The following CDK2AP2 variants were observed in gnomAD, a reference collection of about 807,000 sequenced individuals.
The protein encoded by CDK2AP2 is cyclin-dependent kinase 2-associated protein 2.
Under a neutral mutation model 13.0 loss-of-function variants are expected in CDK2AP2, and 1 was observed. The observed-to-expected ratio is 0.08, with a 90% confidence interval of 0.03 to 0.37. CDK2AP2 has a LOEUF of 0.37. Ranked by LOEUF, CDK2AP2 falls within the 10% of genes least tolerant of loss-of-function variation. CDK2AP2 has a pLI of 0.99. For synonymous variants in CDK2AP2, 76 were observed against 73.0 expected, an observed-to-expected ratio of 1.04 and a Z score of -0.21; for missense variants, 129 against 175.8, an observed-to-expected ratio of 0.73 and a Z score of 1.50.
At position 67,507,901 on chromosome 11, in the gene CDK2AP2, C is replaced by T. The variant is rs1866568930; in HGVS notation, c.82+100G>A. 3.9e-6 allele frequency: 6 copies of T among 1,545,010 alleles called. No homozygotes were observed. The African/African-American group carries it at 4.1e-5, about 11-fold the overall frequency. On this transcript the variant is annotated intron_variant, in intron 1 of 3. Coordinates refer to ENST00000301488, the MANE Select transcript of CDK2AP2 (RefSeq NM_005851.5). ...CACAGGCCAGCAAACTGAGGCTCAGCGAGGGTAGGCGGCAGGCCCAGTATT... is the reference window on the plus strand; with the variant it reads ...CACAGGCCAGCAAACTGAGGCTCAGTGAGGGTAGGCGGCAGGCCCAGTATT...
chr11:67,507,326 G>A, intron 3 of CDK2AP2, 39 bp downstream of exon 3: 1 of 1,611,238 alleles, frequency 6.2e-7, no homozygotes. Context: ...GGATAGTCCA[G>A]TGTCGGTTTC....
chr11:67,506,949 G>A lies in CDK2AP2; in HGVS notation c.377C>T (p.Thr126Met), dbSNP rs1482336115. Reference sequence around the variant, plus strand: ...CTGAGGCCGAGGCGCTTCCTGTTACGTGCGGGCGTTCCGCTCTGTCTCTGC... The same window carrying A: ...CTGAGGCCGAGGCGCTTCCTGTTACATGCGGGCGTTCCGCTCTGTCTCTGC... ...CLAETERNAR[T>M] Residue 126 changes from threonine to methionine, a missense_variant, in exon 4 of 4, where the codon ACG becomes ATG. Coordinates refer to ENST00000301488, the MANE Select transcript of CDK2AP2 (RefSeq NM_005851.5). 7 of 1,556,388 alleles carry A rather than the reference G, an allele frequency of 4.5e-6. No homozygotes were observed. Among genetic ancestry groups the A allele is most frequent in the Admixed American group, 3.9e-5 (2 of 51,498 alleles).
Position 67,506,908 on chromosome 11 carries a change from C to A in CDK2AP2, c.*37G>T. ...GGAGAAGCGGGTGCTCTGCAGTGGC[C>A]GGATAGGTCCAGACGCTGAGGCCGA... On this transcript the variant is annotated 3_prime_UTR_variant, in exon 4 of 4. Transcript: ENST00000301488. 6.5e-7 allele frequency: 1 copy of A among 1,526,926 alleles called. No individual in the cohort carries two copies. Among genetic ancestry groups the A allele is most frequent in the East Asian group, 2.4e-5 (1 of 40,828 alleles). The allele number at this position is 1,526,926 out of a possible 1,614,324, so 94.6% of individuals were successfully genotyped here.
intron 3 of CDK2AP2, 94 bp from the exon 4 acceptor site, chr11:67,507,106 G>T (rs1866549564): frequency 3.1e-6 from 3 of 980,866 alleles, no homozygotes; most frequent in Non-Finnish European, 1.5e-6. Context: ...TTCCACTTTC[G>T]GCAAAAGAAA....
Position 67,506,999 on chromosome 11 carries a change from G to C in CDK2AP2, c.327C>G (p.Ala109=). The change falls in exon 4 of 4, where the codon GCC becomes GCG. Residue 109 remains alanine (A), a synonymous_variant. Transcript: ENST00000301488. ...MERLKRGIIH[A]RALVRECLAE... is the part of the protein sequence containing the mutation. ...CCAGGCACTCTCTGACTAGGGCCCG[G>C]GCATGGATGATACCTGGGGGTGGGG... 1 of 1,557,190 alleles carries C rather than the reference G, an allele frequency of 6.4e-7. No individual in the cohort carries two copies. The highest frequency in any genetic ancestry group is 8.7e-7 in the Non-Finnish European group (1 of 1,150,210).
intron 3 of CDK2AP2, 149 bp downstream of exon 3, chr11:67,507,216 T>C: frequency 1.0e-6 from 1 of 978,140 alleles, no homozygotes; most frequent in Non-Finnish European, 1.6e-6. Flanking sequence ...GGAAATGGAC[T>C]CAATTTCAAT....
Position 67,506,957 on chromosome 11 carries a change from G to A in CDK2AP2, c.369C>T (p.Asn123=), listed in dbSNP as rs1196392899. Reference sequence around the variant, plus strand: ...GAGGCGCTTCCTGTTACGTGCGGGCGTTCCGCTCTGTCTCTGCCAGGCACT... The same window carrying A: ...GAGGCGCTTCCTGTTACGTGCGGGCATTCCGCTCTGTCTCTGCCAGGCACT... ...VRECLAETER[N]ART Residue 123 remains asparagine (N), a synonymous_variant, in exon 4 of 4, where the codon AAC becomes AAT. Coordinates refer to ENST00000301488, the MANE Select transcript of CDK2AP2 (RefSeq NM_005851.5). 14 of 1,557,996 alleles carry A rather than the reference G, an allele frequency of 9.0e-6. No individual in the cohort carries two copies. The highest frequency in any genetic ancestry group is 5.8e-5 in the Admixed American group (3 of 51,696).
Position 67,507,558 on chromosome 11 carries a change from C to A in CDK2AP2, c.180+34G>T, listed in dbSNP as rs750172495. 6.2e-6 allele frequency: 10 copies of A among 1,613,476 alleles called. No homozygotes were observed. In the South Asian group the frequency reaches 9.9e-5, roughly 16 times the overall value. On this transcript the variant is annotated intron_variant, in intron 2 of 3. Transcript: ENST00000301488. The stretch of plus-strand genomic sequence containing the variant: ...ACCTGGCGGGGAGGGGGACTCCAGT[C>A]CGCATCCATAAGCAAGGCTTTGGCC...
intron 1 of CDK2AP2, 60 bp downstream of exon 1, chr11:67,507,940 CG>C: frequency 6.5e-7 from 1 of 1,549,284 alleles, no homozygotes; most frequent in South Asian, 1.2e-5. Context: ...GAACTCAGGC[CG>C]TCTTCTCTTC....
In CDK2AP2 at chr11:67,508,045, G is replaced by A. The variant is rs530762126; in HGVS notation, c.38C>T (p.Thr13Ile). ...CGGCCCAGGGGTGCTGGAGCCAGGG[G>A]TGCTGCTGGGAGCAGGGGCGATGGG... Reference protein sequence around the residue: ...YKPIAPAPSSTPGSSTPGPGT... With the variant: ...YKPIAPAPSSIPGSSTPGPGT... Residue 13 changes from threonine (T) to isoleucine (I), a missense_variant, in exon 1 of 4, where the codon ACC (threonine) becomes ATC (isoleucine). This residue lies in a region of CDK2AP2 where 98 missense variants were observed against 99.7 expected (regional missense o/e 0.98). Coordinates refer to ENST00000301488, the MANE Select transcript of CDK2AP2 (RefSeq NM_005851.5). The A allele has an allele frequency of 2.0e-6, 3 of 1,525,910 alleles. No individual in the cohort carries two copies. The South Asian group carries it at 3.7e-5, about 19-fold the overall frequency. 94.5% of individuals were successfully genotyped at this position (1,525,910 alleles called of 1,614,324 possible).
At position 67,508,033 on chromosome 11, in the gene CDK2AP2, C is replaced by G; in HGVS notation, c.50G>C (p.Ser17Thr). The G allele has an allele frequency of 6.5e-7, 1 of 1,533,990 alleles. No homozygotes were observed. Among genetic ancestry groups the G allele is most frequent in the Non-Finnish European group, 8.8e-7 (1 of 1,142,090 alleles). ...APAPSSTPGS[S>T]TPGPGTPVPT... ...GACCGGGGTGCCCGGCCCAGGGGTG[C>G]TGGAGCCAGGGGTGCTGCTGGGAGC... is the stretch of plus-strand genomic sequence containing the variant. Residue 17 changes from serine to threonine, a missense_variant, in exon 1 of 4, where the codon AGC becomes ACC. Around this residue, in one of 2 missense-constraint regions of CDK2AP2, gnomAD observed 98 missense variants for 99.7 expected, o/e 0.98. Coordinates refer to ENST00000301488, the MANE Select transcript of CDK2AP2 (RefSeq NM_005851.5).
rs1866554083 is a variant in CDK2AP2 at position 67,507,281 on chromosome 11, AG to A, written c.313+83del. On this transcript the variant is annotated intron_variant, in intron 3 of 3. Coordinates refer to ENST00000301488, the MANE Select transcript of CDK2AP2 (RefSeq NM_005851.5). ...ACTGGACATCCTCTAGGCTTGGCTC[AG>A]GTGGCCTCCAGATGTCCTTCCTTCC... The A allele has an allele frequency of 2.7e-6, 4 of 1,507,594 alleles. No homozygotes were observed. In the East Asian group the frequency reaches 9.0e-5, roughly 34 times the overall value. The allele number at this position is 1,507,594 out of a possible 1,614,324, so 93.4% of individuals were successfully genotyped here.
chr11:67,507,383 T>C lies in CDK2AP2; in HGVS notation c.295A>G (p.Met99Val). ...RPTYAGSKSA[M>V]ERLKRGIIHA... ...CACTTACCTCTCTTCAGGCGCTCCA[T>C]GGCGCTCTTGCTGCCAGCATAGGTA... The change falls in exon 3 of 4, where the codon ATG (methionine) becomes GTG (valine). Residue 99 changes from methionine (M) to valine (V), a missense_variant. Around this residue, in one of 2 missense-constraint regions of CDK2AP2, gnomAD observed 31 missense variants for 76.0 expected, o/e 0.41. Coordinates refer to ENST00000301488, the MANE Select transcript of CDK2AP2 (RefSeq NM_005851.5). 1.2e-6 allele frequency: 2 copies of C among 1,612,808 alleles called. No individual in the cohort carries two copies. Among genetic ancestry groups the C allele is most frequent in the African/African-American group, 1.3e-5 (1 of 75,042 alleles).
At position 67,507,586 on chromosome 11, in the gene CDK2AP2, A is replaced by G; in HGVS notation, c.180+6T>C. The G allele has an allele frequency of 6.2e-7, 1 of 1,613,460 alleles. No homozygotes were observed. Among genetic ancestry groups the G allele is most frequent in the Non-Finnish European group, 8.5e-7 (1 of 1,179,928 alleles). ...CATCCATAAGCAAGGCTTTGGCCCCACTCACCTGCACGTAGCCCATGGAAG... is the reference window on the plus strand; with the variant it reads ...CATCCATAAGCAAGGCTTTGGCCCCGCTCACCTGCACGTAGCCCATGGAAG... On this transcript the variant is annotated splice_donor_region_variant and intron_variant, in intron 2 of 3. Coordinates refer to ENST00000301488, the MANE Select transcript of CDK2AP2 (RefSeq NM_005851.5).
At position 67,506,951 on chromosome 11, in the gene CDK2AP2, G is replaced by A; in HGVS notation, c.375C>T (p.Arg125=). Residue 125 remains arginine, a synonymous_variant, in exon 4 of 4, where the codon CGC becomes CGT. Transcript: ENST00000301488. Reference sequence around the variant, plus strand: ...GAGGCCGAGGCGCTTCCTGTTACGTGCGGGCGTTCCGCTCTGTCTCTGCCA... The same window carrying A: ...GAGGCCGAGGCGCTTCCTGTTACGTACGGGCGTTCCGCTCTGTCTCTGCCA... ...ECLAETERNA[R]T is the part of the protein sequence containing the mutation. 1 of 1,557,084 alleles carries A rather than the reference G, an allele frequency of 6.4e-7. No homozygotes were observed. The highest frequency in any genetic ancestry group is 8.7e-7 in the Non-Finnish European group (1 of 1,150,124).
rs1278848441 is a variant in CDK2AP2 at position 67,508,021 on chromosome 11, G to A, written c.62C>T (p.Pro21Leu). 6.5e-7 allele frequency: 1 copy of A among 1,537,942 alleles called. No individual in the cohort carries two copies. The highest frequency in any genetic ancestry group is 2.4e-5 in the East Asian group (1 of 40,930). ...SSTPGSSTPG[P>L]GTPVPTGSVP... ...CTCACCTGTAGGGACCGGGGTGCCC[G>A]GCCCAGGGGTGCTGGAGCCAGGGGT... Residue 21 changes from proline to leucine, a missense_variant, in exon 1 of 4, where the codon CCG becomes CTG. Pro to Leu is a moderately conservative substitution (Grantham distance 98, BLOSUM62 -3). Around this residue, in one of 2 missense-constraint regions of CDK2AP2, gnomAD observed 98 missense variants for 99.7 expected, o/e 0.98. Coordinates refer to ENST00000301488, the MANE Select transcript of CDK2AP2 (RefSeq NM_005851.5).
At chr11:67,507,773 C>T in intron 1 of CDK2AP2, 84 bp from the exon 2 acceptor site, 3 of 1,562,546 alleles carry the variant, frequency 1.9e-6, no homozygotes, top group African/African-American at 1.4e-5. Context: ...CCGGGTTCGC[C>T]CGATTCCCTC....
intron 3 of CDK2AP2, 106 bp downstream of exon 3, chr11:67,507,259 G>A: frequency 7.8e-7 from 1 of 1,275,236 alleles, no homozygotes; most frequent in Non-Finnish European, 1.1e-6. Context: ...TAGTAATACT[G>A]GACATCCTCT....
chr11:67,506,680 A>AT lies in CDK2AP2; in HGVS notation c.*264_*265insA. ...GAAGTGCTGGGAAGGGCTGAGCGGT[A>AT]GGGGCCACAAAAGTTCCGGTGGGCA... On this transcript the variant is annotated 3_prime_UTR_variant, in exon 4 of 4. Transcript: ENST00000301488. 1 of 532,304 alleles carries AT rather than the reference A, an allele frequency of 1.9e-6. No individual in the cohort carries two copies. 33.0% of individuals were successfully genotyped at this position (532,304 alleles called of 1,614,324 possible). A position where few individuals can be genotyped will look rare whatever the true frequency, so the allele number is the denominator to read the frequency against.
Sources: gnomAD v4.1 joint callset for allele counts on GRCh38, gnomAD v4.1.1 for gene constraint, gnomAD v4.1.1 regional missense constraint, MANE v1.5 for transcripts, NCBI Gene and HGNC (gene_info 2026-07-23, HGNC 2026-07-21) for gene names.